FANCI: variants seen among roughly 807,000 people sequenced by gnomAD.
FANCI encodes Fanconi anemia group I protein.
In FANCI, 156 loss-of-function variants were observed where a neutral mutation model predicts 176.1. The observed-to-expected ratio is 0.89, with a 90% CI of 0.78 to 1.01. FANCI has a LOEUF of 1.01. Ranked by LOEUF, FANCI falls within the 50% of genes least tolerant of loss-of-function variation. The probability of loss-of-function intolerance (pLI) is 0.00; values close to 1 mark genes in which losing one functional copy is unlikely to be tolerated. For missense variants in FANCI, 1,678 were observed against 1,534.1 expected (o/e 1.09, Z -1.57); for synonymous variants, 613 against 541.7 (o/e 1.13, Z -1.83).
Position 89,244,837 on chromosome 15 carries a change from G to A in FANCI, c.-20+804G>A, listed in dbSNP as rs74033563. Among the ~76,000 whole-genome samples the A allele has an allele frequency of 4.3e-3, 654 of 152,288 alleles. 8 individuals carry two copies. The highest frequency in any genetic ancestry group is 0.015 in the African/African-American group (627 of 41,562). ...ATGGGGCTAATATTACACCTACCTA[G>A]TAGGTGGTGTTGTGGGAGTCATGTT... is the stretch of plus-strand genomic sequence containing the variant. On this transcript the variant is annotated intron_variant, in intron 1 of 37. Transcript: ENST00000310775.
chr15:89,258,911 C>T (rs1397722229), intron 3 of FANCI, 135 bp downstream of exon 3: 1 of 729,670 alleles, frequency 1.4e-6, no homozygotes, highest in African/African-American at 1.7e-5. Flanking sequence ...GAATCAACTA[C>T]AGCAGCAGTT....
intron 6 of FANCI, among the ~76,000 whole-genome samples, chr15:89,262,423 G>A (rs7178992): frequency 0.05 from 7,542 of 152,062 alleles, 598 homozygotes; most frequent in African/African-American, 0.17. Flanking sequence ...ATAGAGACAT[G>A]TAAACTATGT....
intron 2 of FANCI, 53 bp from the exon 3 acceptor site, chr15:89,258,651 C>A: frequency 1.5e-6 from 2 of 1,324,144 alleles, no homozygotes; most frequent in South Asian, 1.2e-5. Context: ...GTGTTTAGGT[C>A]ATTGGGGTAA....
rs1160902974 is a variant in FANCI at position 89,305,185 on chromosome 15, C to T, written c.3129C>T (p.Val1043=). ...TGCATGTTTCGTATAAGAGTCCTGTCATTCTGCTGCGTGACTTGTCCCAGG... is the reference window on the plus strand; with the variant it reads ...TGCATGTTTCGTATAAGAGTCCTGTTATTCTGCTGCGTGACTTGTCCCAGG... ...FSLHVSYKSP[V]ILLRDLSQDI... The change falls in exon 29 of 38, where the codon GTC becomes GTT. Residue 1043 remains valine (V), a synonymous_variant. Coordinates refer to ENST00000310775, the MANE Select transcript of FANCI (RefSeq NM_001113378.2). 6.2e-7 allele frequency: 1 copy of T among 1,614,220 alleles called. No individual in the cohort carries two copies. The highest frequency in any genetic ancestry group is 2.2e-5 in the East Asian group (1 of 44,886).
At chr15:89,256,839 G>T (rs1317245327) in intron 2 of FANCI, among the ~76,000 whole-genome samples, 1 of 152,196 alleles carries the variant, frequency 6.6e-6, no homozygotes, top group African/African-American at 2.4e-5. Flanking sequence ...CACGTAAACA[G>T]ATGGTGCCAC....
intron 11 of FANCI, 125 bp downstream of exon 11, chr15:89,273,594 G>T (rs1175103064): frequency 1.5e-6 from 1 of 672,140 alleles, no homozygotes; most frequent in Admixed American, 2.6e-5. Flanking sequence ...CTTCCTGCCA[G>T]CAGCAAAGCT....
At chr15:89,290,303 A>G in intron 19 of FANCI, 22 bp downstream of exon 19, 1 of 1,583,636 alleles carries the variant, frequency 6.3e-7, no homozygotes, top group African/African-American at 1.3e-5. Flanking sequence ...TTTTATGGAT[A>G]TATGGAAAAC....
At chr15:89,301,011 C>T (rs1213050210) in intron 26 of FANCI, among the ~76,000 whole-genome samples, 10 of 152,154 alleles carry the variant, frequency 6.6e-5, no homozygotes, top group Admixed American at 5.9e-4. Flanking sequence ...CTTGTCTAAG[C>T]CTGAGATCAA....
rs539373037 is a variant in FANCI, at chr15:89,283,388, CTGATGA to C, written c.1698+155_1698+160del. The C allele has an allele frequency of 6.6e-5, 86 of 1,308,304 alleles. 1 individual carries two copies. The highest frequency in any genetic ancestry group is 8.3e-5 in the Non-Finnish European group (78 of 936,338). The allele number at this position is 1,308,304 out of a possible 1,614,324, so 81.0% of individuals were successfully genotyped here. A position where few individuals can be genotyped will look rare whatever the true frequency, so the allele number is the denominator to read the frequency against. On this transcript the variant is annotated intron_variant, in intron 17 of 37. Coordinates refer to ENST00000310775, the MANE Select transcript of FANCI (RefSeq NM_001113378.2). ...AAAGAGTCTGATGATGATGATGGTG[CTGATGA>C]TGATGATGATGATGATATTGGCTAA...
At chr15:89,279,123 A>G (rs941670474) in intron 14 of FANCI, among the ~76,000 whole-genome samples, 1 of 151,138 alleles carries the variant, frequency 6.6e-6, no homozygotes, top group African/African-American at 2.4e-5. Flanking sequence ...TCTCTCTGGT[A>G]ACCTCTGAAT....
intron 31 of FANCI, 89 bp downstream of exon 31, chr15:89,305,787 G>T: frequency 7.2e-7 from 1 of 1,383,910 alleles, no homozygotes; most frequent in Non-Finnish European, 1.0e-6. Flanking sequence ...GAGCCCCTGA[G>T]CTAAATTTCT....
chr15:89,257,063 C>T (rs929745761), intron 2 of FANCI, among the ~76,000 whole-genome samples: 10 of 152,080 alleles, frequency 6.6e-5, no homozygotes, highest in South Asian at 2.1e-4. Context: ...CCCGCCACCA[C>T]GCCCGGCTAA....
chr15:89,310,474 C>T (rs1315750908), intron 34 of FANCI, among the ~76,000 whole-genome samples: 1 of 152,248 alleles, frequency 6.6e-6, no homozygotes, highest in Non-Finnish European at 1.5e-5. Context: ...ATTTTCCCCT[C>T]ATTACACAGT....
chr15:89,277,338 G>A (rs930499506), intron 13 of FANCI, among the ~76,000 whole-genome samples: 8 of 152,104 alleles, frequency 5.3e-5, no homozygotes, highest in African/African-American at 1.2e-4. Flanking sequence ...ATGCTTGGTC[G>A]GGCATGGTGG....
Position 89,281,835 on chromosome 15 carries a change from A to C in FANCI, c.1583A>C (p.Asn528Thr), listed in dbSNP as rs2151559017. 3 of 1,613,518 alleles carry C rather than the reference A, an allele frequency of 1.9e-6. No individual in the cohort carries two copies. The highest frequency in any genetic ancestry group is 2.5e-6 in the Non-Finnish European group (3 of 1,179,608). Residue 528 changes from asparagine (N) to threonine (T), a missense_variant and splice_region_variant, in exon 16 of 38, where the codon AAC (asparagine) becomes ACC (threonine). Physicochemically the swap from Asn to Thr is moderately conservative, Grantham distance 65. Coordinates refer to ENST00000310775, the MANE Select transcript of FANCI (RefSeq NM_001113378.2). ...ILVLRKAMFA[N>T]QLDARKSAVA... ...GTCCTTCGGAAAGCTATGTTTGCCA[A>C]GTATGTAGCATCTTTTTCTATCATA...
At chr15:89,288,558 TTAAA>T (rs2053918584) in intron 18 of FANCI, among the ~76,000 whole-genome samples, 1 of 152,014 alleles carries the variant, frequency 6.6e-6, no homozygotes, top group Non-Finnish European at 1.5e-5. Context: ...CCTTTTACAC[TTAAA>T]TAATAATTTT....
At chr15:89,285,864 T>A (rs182961664) in intron 18 of FANCI, among the ~76,000 whole-genome samples, 1 of 152,336 alleles carries the variant, frequency 6.6e-6, no homozygotes, top group East Asian at 1.9e-4. Flanking sequence ...CTACCTCAGA[T>A]ACAGTTTAGC....
At chr15:89,299,310 A>G (rs1479334360) in intron 24 of FANCI, among the ~76,000 whole-genome samples, 2 of 152,212 alleles carry the variant, frequency 1.3e-5, no homozygotes, top group African/African-American at 4.8e-5. Flanking sequence ...TGGTAAATTC[A>G]TCCAAACATT....
chr15:89,292,364 T>A (rs751599861), intron 20 of FANCI, among the ~76,000 whole-genome samples: 1 of 152,194 alleles, frequency 6.6e-6, no homozygotes, highest in Non-Finnish European at 1.5e-5. Context: ...ATCTTTAGAA[T>A]AGCCTCTGGG....
Sources: allele counts gnomAD v4.1 joint callset (sites outside exome capture counted in the v4.1 genomes callset), GRCh38; gene constraint gnomAD v4.1.1; transcripts MANE v1.5; gene names NCBI Gene and HGNC (gene_info 2026-07-23, HGNC 2026-07-21).